Variants in EIF4E2 observed in about 807,000 individuals in gnomAD.
EIF4E2 encodes eukaryotic translation initiation factor 4E type 2.
EIF4E2 carries 13 observed loss-of-function variants against 34.2 expected under a neutral mutation model. The observed-to-expected ratio is 0.38, with a 90% CI of 0.25 to 0.60. EIF4E2 has a LOEUF of 0.60. EIF4E2 is among the 20% of genes least tolerant of loss of function. The probability of loss-of-function intolerance (pLI) is 0.62; values close to 1 mark genes in which losing one functional copy is unlikely to be tolerated. For synonymous variants in EIF4E2, 100 were observed against 106.6 expected (o/e 0.94, Z 0.38); for missense variants, 222 against 315.1 (o/e 0.70, Z 2.24).
At chr2:232,575,090 C>T (rs996589756) in intron 6 of EIF4E2, among the ~76,000 whole-genome samples, 1 of 152,172 alleles carries the variant, frequency 6.6e-6, no homozygotes, top group African/African-American at 2.4e-5. Context: ...CAGCCTTTTC[C>T]TGGACATCAA....
chr2:232,557,737 G>A (rs1692574587), intron 2 of EIF4E2, 147 bp from the exon 3 acceptor site: 1 of 895,228 alleles, frequency 1.1e-6, no homozygotes, highest in African/African-American at 1.7e-5. Context: ...TACTGTGTAA[G>A]CAGAATCTTT....
intron 1 of EIF4E2, among the ~76,000 whole-genome samples, chr2:232,555,812 A>C (rs1692498046): frequency 6.6e-6 from 1 of 152,204 alleles, no homozygotes; most frequent in South Asian, 2.1e-4. Context: ...ACTTTATCTT[A>C]GAGGGTAGGC....
chr2:232,576,073 A>T (rs185250585), intron 6 of EIF4E2, among the ~76,000 whole-genome samples: 2 of 152,076 alleles, frequency 1.3e-5, no homozygotes, highest in African/African-American at 2.4e-5. Context: ...GCGTGGTGGC[A>T]CACACCTGTT....
At chr2:232,552,508 C>T (rs749219589) in intron 1 of EIF4E2, among the ~76,000 whole-genome samples, 8 of 152,192 alleles carry the variant, frequency 5.3e-5, no homozygotes, top group Admixed American at 5.2e-4. Context: ...CCACCCCCAG[C>T]CTCATATGTT....
At chr2:232,554,147 T>C (rs997400918) in intron 1 of EIF4E2, among the ~76,000 whole-genome samples, 4 of 152,152 alleles carry the variant, frequency 2.6e-5, no homozygotes, top group Admixed American at 2.6e-4. Context: ...CAAACATTTA[T>C]ATGGGCAAGT....
chr2:232,570,667 G>A (rs190905299), downstream of EIF4E2, among the ~76,000 whole-genome samples: 12 of 152,326 alleles, frequency 7.9e-5, no homozygotes, highest in Admixed American at 3.3e-4. Flanking sequence ...CAAGGAGGCC[G>A]GGCGAGGTGG....
intron 6 of EIF4E2, 66 bp downstream of exon 6, chr2:232,567,280 C>T: frequency 6.2e-7 from 1 of 1,600,254 alleles, no homozygotes; most frequent in Admixed American, 1.7e-5. Flanking sequence ...TGTAGTTGGG[C>T]CCAGAGGAAT....
chr2:232,580,130 A>T (rs1693313563), intron 6 of EIF4E2, among the ~76,000 whole-genome samples: 2 of 138,186 alleles, frequency 1.4e-5, no homozygotes, highest in African/African-American at 2.8e-5. Context: ...ACACACACAC[A>T]CACTTTCAAG....
Position 232,557,889 on chromosome 2 carries a change from T to C in EIF4E2, c.141T>C (p.Val47=). The stretch of plus-strand genomic sequence containing the variant: ...ACACCTTCTTTACTTCCCAGGCTGT[T>C]GTCCCTGGACCGGCAGAGCATCCCC... The part of the protein sequence containing the change: ...KNQSSSKRKA[V]VPGPAEHPLQ... The change falls in exon 3 of 7, where the codon GTT becomes GTC. Residue 47 remains valine, a synonymous_variant. Transcript: ENST00000258416. 1 of 1,613,362 alleles carries C rather than the reference T, an allele frequency of 6.2e-7. No individual in the cohort carries two copies. Among genetic ancestry groups the C allele is most frequent in the Non-Finnish European group, 8.5e-7 (1 of 1,179,874 alleles).
downstream of EIF4E2, among the ~76,000 whole-genome samples, chr2:232,573,552 C>T (rs1693139909): frequency 6.6e-6 from 1 of 152,124 alleles, no homozygotes; most frequent in Non-Finnish European, 1.5e-5. Context: ...CGAAAGGCCA[C>T]GTACCACTTC....
chr2:232,561,679 C>T (rs1223252805), intron 3 of EIF4E2, among the ~76,000 whole-genome samples: 1 of 152,150 alleles, frequency 6.6e-6, no homozygotes, highest in Non-Finnish European at 1.5e-5. Context: ...TTCTTGAAGT[C>T]AGAGTGACTA....
chr2:232,568,101 G>T, intron 6 of EIF4E2: 1 of 985,332 alleles, frequency 1.0e-6, no homozygotes, highest in African/African-American at 1.7e-5. Context: ...TTAACTGAGG[G>T]TCTTCAGATG....
At chr2:232,565,551 T>C (rs1370617432) in intron 4 of EIF4E2, among the ~76,000 whole-genome samples, 2 of 151,922 alleles carry the variant, frequency 1.3e-5, no homozygotes, top group Non-Finnish European at 2.9e-5. Flanking sequence ...GGAGACTCAC[T>C]TGAACCCAGG....
chr2:232,567,971 T>C (rs764998073), intron 6 of EIF4E2: 134 of 973,560 alleles, frequency 1.4e-4, no homozygotes, highest in Admixed American at 3.1e-4. Flanking sequence ...TTCTCTCATA[T>C]GGCCCCATAC....
At position 232,566,885 on chromosome 2, in the gene EIF4E2, C is replaced by T; in HGVS notation, c.432C>T (p.Ala144=). 1 of 1,613,862 alleles carries T rather than the reference C, an allele frequency of 6.2e-7. No homozygotes were observed. Among genetic ancestry groups the T allele is most frequent in the Non-Finnish European group, 8.5e-7 (1 of 1,179,948 alleles). Residue 144 remains alanine, a synonymous_variant, in exon 5 of 7, where the codon GCC becomes GCT. Transcript: ENST00000258416. This position sits in a 1 kb window ranked among gnomAD's most constrained non-coding sequence, Gnocchi z 4.9. ...TTATTCGGCTGCGGAAGGGCTTGGC[C>T]TCCCGTTGCTGGGAGAATCTCATTT... ...KWIIRLRKGL[A]SRCWENLILA... is the part of the protein sequence containing the mutation.
At chr2:232,570,845 G>A (rs1693074185), downstream of EIF4E2, among the ~76,000 whole-genome samples, 1 of 152,194 alleles carries the variant, frequency 6.6e-6, no homozygotes, top group African/African-American at 2.4e-5. Flanking sequence ...GCTGAGGCAG[G>A]AGAATTGCTT....
chr2:232,575,506 T>C (rs11689872), intron 6 of EIF4E2, among the ~76,000 whole-genome samples: 67,923 of 152,106 alleles, frequency 0.45, 15,609 homozygotes, highest in South Asian at 0.59. Flanking sequence ...ACACGCCTAT[T>C]GTCCCAGCTA....
chr2:232,561,872 A>AT (rs199712096), intron 3 of EIF4E2, among the ~76,000 whole-genome samples: 175 of 148,748 alleles, frequency 1.2e-3, no homozygotes, highest in African/African-American at 3.6e-3. Flanking sequence ...GTGAATGCTT[A>AT]TTTTTTTTTT....
At chr2:232,573,542 C>T (rs188385495), downstream of EIF4E2, among the ~76,000 whole-genome samples, 287 of 152,210 alleles carry the variant, frequency 1.9e-3, 2 homozygotes, top group African/African-American at 6.4e-3. Flanking sequence ...TCTCTGTAAG[C>T]GAAAGGCCAC....
Sources: allele counts gnomAD v4.1 joint callset (sites outside exome capture counted in the v4.1 genomes callset), GRCh38; gene constraint gnomAD v4.1.1; non-coding constraint Gnocchi (gnomAD v3.1); transcripts MANE v1.5; gene names NCBI Gene and HGNC (gene_info 2026-07-23, HGNC 2026-07-21).